Variants in DPP8 observed in about 807,000 individuals in gnomAD.
DPP8 encodes dipeptidyl peptidase 8, also known as DPP VIII.
Under a neutral mutation model 107.5 loss-of-function variants are expected in DPP8, and 31 were observed. The ratio of observed to expected loss-of-function variants is 0.29; its 90% CI spans 0.22 to 0.39. The LOEUF is 0.39. Ranked by LOEUF, DPP8 falls within the 10% of genes least tolerant of loss-of-function variation. The probability of loss-of-function intolerance (pLI) is 1.00; values close to 1 mark genes in which losing one functional copy is unlikely to be tolerated. For synonymous variants in DPP8, 381 were observed against 356.6 expected (o/e 1.07, Z -0.77); for missense variants, 842 against 1,076.1 (o/e 0.78, Z 3.04).
intron 5 of DPP8, among the ~76,000 whole-genome samples, chr15:65,492,170 C>T (rs190252937): frequency 1.8e-4 from 28 of 152,008 alleles, no homozygotes; most frequent in African/African-American, 5.8e-4. Flanking sequence ...AGTGAAACCC[C>T]GCCTCTACAA....
chr15:65,507,640 T>C (rs530979266), intron 2 of DPP8, among the ~76,000 whole-genome samples: 386 of 124,440 alleles, frequency 3.1e-3, no homozygotes, highest in Non-Finnish European at 5.0e-3. Flanking sequence ...CTGGGTAACA[T>C]AGCAAGATCC....
intron 3 of DPP8, among the ~76,000 whole-genome samples, chr15:65,501,068 G>A (rs573070338): frequency 3.3e-5 from 5 of 151,964 alleles, no homozygotes; most frequent in African/African-American, 9.6e-5. Flanking sequence ...TAGTAGAGAC[G>A]GGGTTTCACC....
intron 5 of DPP8, among the ~76,000 whole-genome samples, chr15:65,495,904 GAAC>G (rs746142864): frequency 4.6e-5 from 7 of 151,470 alleles, no homozygotes; most frequent in Non-Finnish European, 8.8e-5. Context: ...CAACAAAAAA[GAAC>G]AAAAAAACAA....
Position 65,452,064 on chromosome 15 carries a change from G to A in DPP8, c.2310C>T (p.Phe770=), listed in dbSNP as rs776812617. The change falls in exon 18 of 20, where the codon TTC becomes TTT. Residue 770 remains phenylalanine, a synonymous_variant. Transcript: ENST00000300141. ...IAGAPVTLWI[F]YDTGYTERYM... ...AACGTTCCGTGTATCCTGTATCATA[G>A]AAGATCCACAGAGTGACTGGGGCCC... is the stretch of plus-strand genomic sequence containing the variant. 6.2e-7 allele frequency: 1 copy of A among 1,611,188 alleles called. No individual in the cohort carries two copies. The highest frequency in any genetic ancestry group is 8.5e-7 in the Non-Finnish European group (1 of 1,178,726).
At chr15:65,466,388 T>C (rs1292020364) in intron 14 of DPP8, among the ~76,000 whole-genome samples, 2 of 152,164 alleles carry the variant, frequency 1.3e-5, no homozygotes, top group African/African-American at 4.8e-5. Context: ...TCCACCCGCC[T>C]TGGTCTCCCA....
At chr15:65,512,706 T>A in intron 1 of DPP8, 142 bp from the exon 2 acceptor site, 1 of 768,550 alleles carries the variant, frequency 1.3e-6, no homozygotes, top group Non-Finnish European at 2.1e-6. Flanking sequence ...TGAAACTTAG[T>A]AAGAAAAGCA....
intron 5 of DPP8, 108 bp downstream of exon 5, chr15:65,497,756 C>T: frequency 1.1e-6 from 1 of 888,944 alleles, no homozygotes; most frequent in Non-Finnish European, 1.6e-6. Context: ...ACTTGAATTT[C>T]AAATATAAAG....
At position 65,452,022 on chromosome 15, in the gene DPP8, G is replaced by A. The variant is rs1170765747; in HGVS notation, c.2352C>T (p.Asp784=). 3 of 1,612,876 alleles carry A rather than the reference G, an allele frequency of 1.9e-6. No individual in the cohort carries two copies. Among genetic ancestry groups the A allele is most frequent in the Non-Finnish European group, 2.5e-6 (3 of 1,179,674 alleles). ...GYTERYMGHP[D]QNEQGYYLGS... is the part of the protein sequence containing the mutation. ...CTAAGTAATAGCCCTGTTCATTCTG[G>A]TCAGGGTGACCCATATAACGTTCCG... The change falls in exon 18 of 20, where the codon GAC becomes GAT. Residue 784 remains aspartate, a synonymous_variant. Coordinates refer to ENST00000300141, the MANE Select transcript of DPP8 (RefSeq NM_130434.5).
intron 9 of DPP8, 147 bp from the exon 10 acceptor site, chr15:65,480,546 ATAGT>A (rs1427906656): frequency 1.9e-6 from 1 of 529,004 alleles, no homozygotes; most frequent in Admixed American, 3.3e-5. Context: ...TCACTTACAA[ATAGT>A]TAATTAAAAA....
chr15:65,484,397 G>A (rs962933930), intron 8 of DPP8, among the ~76,000 whole-genome samples: 1 of 151,802 alleles, frequency 6.6e-6, no homozygotes, highest in Non-Finnish European at 1.5e-5. Context: ...AGGAGTATAG[G>A]GTATCTTTTT....
rs547096333 is a variant in DPP8, at chr15:65,479,761, G to A, written c.1296+461C>T. ...CGGGAGGCTGAGGCAGGAGAATGGCGTGAACCCGGGAAGCGGAGCTTGCAG... is the reference window on the plus strand; with the variant it reads ...CGGGAGGCTGAGGCAGGAGAATGGCATGAACCCGGGAAGCGGAGCTTGCAG... On this transcript the variant is annotated intron_variant, in intron 10 of 19. Transcript: ENST00000300141. 1.9e-4 allele frequency among the ~76,000 whole-genome samples: 28 copies of A among 150,790 alleles called. No homozygotes were observed. In the South Asian group the frequency reaches 2.1e-3, roughly 11 times the overall value.
chr15:65,447,033 CA>C (rs71817756), intron 19 of DPP8, 27 bp from the exon 20 acceptor site: 143,686 of 1,014,342 alleles, frequency 0.14, no homozygotes, highest in South Asian at 0.19. Context: ...AATAAAGATA[CA>C]AAAAAAAAAA....
intron 1 of DPP8, chr15:65,515,847 T>C: frequency 1.5e-6 from 1 of 676,374 alleles, no homozygotes; most frequent in South Asian, 2.2e-5. Flanking sequence ...ATGGACCATA[T>C]GTGGCCAAAA....
At chr15:65,500,873 C>CAT in intron 3 of DPP8, 94 bp from the exon 4 acceptor site, 1 of 328,902 alleles carries the variant, frequency 3.0e-6, no homozygotes, top group Non-Finnish European at 5.3e-6. Context: ...ATTATTGACT[C>CAT]TTTTTTTTTT....
At chr15:65,470,689 T>C (rs2065804255) in intron 12 of DPP8, among the ~76,000 whole-genome samples, 1 of 149,498 alleles carries the variant, frequency 6.7e-6, no homozygotes, top group African/African-American at 2.5e-5. Context: ...GAGGCCAAAG[T>C]GGGCAGATCA....
intron 8 of DPP8, among the ~76,000 whole-genome samples, chr15:65,482,032 GTATATA>G (rs1199302447): frequency 6.7e-6 from 1 of 150,118 alleles, no homozygotes; most frequent in Admixed American, 6.7e-5. Flanking sequence ...GTGTGTGTGT[GTATATA>G]TATATATTTT....
At chr15:65,488,746 A>G (rs1356663055) in intron 6 of DPP8, among the ~76,000 whole-genome samples, 1 of 152,192 alleles carries the variant, frequency 6.6e-6, no homozygotes, top group Non-Finnish European at 1.5e-5. Flanking sequence ...TTAGGCCACA[A>G]TATAAGTACA....
At chr15:65,505,550 T>C (rs2141042133) in intron 3 of DPP8, among the ~76,000 whole-genome samples, 1 of 152,346 alleles carries the variant, frequency 6.6e-6, no homozygotes, top group African/African-American at 2.4e-5. Flanking sequence ...AAAATTATCG[T>C]TATTTCAGTT....
Position 65,481,697 on chromosome 15 carries a change from T to C in DPP8, c.1018-82A>G, listed in dbSNP as rs551568452. On this transcript the variant is annotated intron_variant, in intron 8 of 19. Transcript: ENST00000300141. ...CTTGCTAGTCTACTTTAACAATTTA[T>C]CCAAAAAGCAGAAAATTTTTCCAGA... The C allele has an allele frequency of 8.1e-6, 7 of 866,870 alleles. No individual in the cohort carries two copies. The East Asian group carries it at 1.9e-4, about 23-fold the overall frequency. 53.7% of individuals were successfully genotyped at this position (866,870 alleles called of 1,614,324 possible). A position where few individuals can be genotyped will look rare whatever the true frequency, so the allele number is the denominator to read the frequency against.
Sources: allele counts gnomAD v4.1 joint callset (sites outside exome capture counted in the v4.1 genomes callset), GRCh38; gene constraint gnomAD v4.1.1; transcripts MANE v1.5; gene names NCBI Gene and HGNC (gene_info 2026-07-23, HGNC 2026-07-21).